The following CADPS2 variants were observed in gnomAD, a reference collection of about 807,000 sequenced individuals.
The protein encoded by CADPS2 is calcium dependent secretion activator 2.
In CADPS2, 93 loss-of-function variants were observed where a neutral mutation model predicts 172.5. The ratio of observed to expected loss-of-function variants is 0.54; its 90% CI spans 0.46 to 0.64. The LOEUF is 0.64. CADPS2 is among the 30% of genes least tolerant of loss of function. CADPS2 has a pLI of 0.00. For synonymous variants in CADPS2, 546 were observed against 555.2 expected, an observed-to-expected ratio of 0.98 and a Z score of 0.23; for missense variants, 1,420 against 1,565.9, an observed-to-expected ratio of 0.91 and a Z score of 1.57.
At chr7:122,477,053 AGAG>A (rs1481015037) in intron 12 of CADPS2, among the ~76,000 whole-genome samples, 1,785 of 24,238 alleles carry the variant, frequency 0.074, 47 homozygotes, top group Non-Finnish European at 0.093. Context: ...GAGAGAGAGA[AGAG>A]AGAGAGAGAG....
intron 1 of CADPS2, among the ~76,000 whole-genome samples, chr7:122,743,279 C>T (rs1198365118): frequency 6.6e-5 from 10 of 152,208 alleles, no homozygotes; most frequent in African/African-American, 2.4e-4. Flanking sequence ...AGAAAAAACA[C>T]TTAGATTCTA....
At chr7:122,472,878 C>G (rs540426321) in intron 13 of CADPS2, among the ~76,000 whole-genome samples, 1 of 152,202 alleles carries the variant, frequency 6.6e-6, no homozygotes, top group Non-Finnish European at 1.5e-5. Context: ...TTCTTCCTCT[C>G]TGAAGTATCC....
chr7:122,619,466 A>G (rs950403714), intron 5 of CADPS2, among the ~76,000 whole-genome samples: 1 of 151,818 alleles, frequency 6.6e-6, no homozygotes, highest in Non-Finnish European at 1.5e-5. Context: ...ATACAAAAAA[A>G]AAAAAAAAAA....
At chr7:122,583,339 G>A (rs1209416117) in intron 6 of CADPS2, among the ~76,000 whole-genome samples, 1 of 151,886 alleles carries the variant, frequency 6.6e-6, no homozygotes, top group African/African-American at 2.4e-5. Flanking sequence ...GAATGTACTA[G>A]AACATTAGGA....
chr7:122,319,472 C>T lies in CADPS2; in HGVS notation c.*693G>A, dbSNP rs890945575. ...AGAATATGGTATCTTGACGGAAGCACACTTGCTACCCCACACCTGGGGATT... is the reference window on the plus strand; with the variant it reads ...AGAATATGGTATCTTGACGGAAGCATACTTGCTACCCCACACCTGGGGATT... On this transcript the variant is annotated 3_prime_UTR_variant, in exon 30 of 30. Coordinates refer to ENST00000449022, the MANE Select transcript of CADPS2 (RefSeq NM_017954.11). 2 of 152,142 alleles carry T rather than the reference C, an allele frequency of 1.3e-5. No individual in the cohort carries two copies. Among genetic ancestry groups the T allele is most frequent in the Non-Finnish European group, 2.9e-5 (2 of 68,034 alleles). 9.4% of individuals were successfully genotyped at this position (152,142 alleles called of 1,614,324 possible).
At chr7:122,528,927 T>C (rs1200528178) in intron 8 of CADPS2, among the ~76,000 whole-genome samples, 2 of 152,114 alleles carry the variant, frequency 1.3e-5, no homozygotes, top group Non-Finnish European at 2.9e-5. Flanking sequence ...TTTAACCTTT[T>C]CTTTTTACAT....
intron 25 of CADPS2, among the ~76,000 whole-genome samples, chr7:122,373,429 A>G (rs2041999565): frequency 6.6e-6 from 1 of 152,206 alleles, no homozygotes; most frequent in South Asian, 2.1e-4. Context: ...AACATTTAAG[A>G]ATCATTGCCT....
chr7:122,657,241 G>A (rs1437294942), intron 3 of CADPS2, among the ~76,000 whole-genome samples: 4 of 152,146 alleles, frequency 2.6e-5, no homozygotes, highest in African/African-American at 9.7e-5. Flanking sequence ...ATCAGGTAGC[G>A]TGATGCCTCC....
intron 7 of CADPS2, among the ~76,000 whole-genome samples, chr7:122,579,661 A>G (rs1289982662): frequency 1.3e-5 from 2 of 151,750 alleles, no homozygotes; most frequent in Non-Finnish European, 2.9e-5. Context: ...TAATATAATA[A>G]TAGTTTAAAT....
chr7:122,586,060 T>C (rs2069634857), intron 6 of CADPS2, among the ~76,000 whole-genome samples: 1 of 151,986 alleles, frequency 6.6e-6, no homozygotes, highest in Admixed American at 6.6e-5. Flanking sequence ...TTATGTAAAT[T>C]ATGGGGCATG....
intron 8 of CADPS2, among the ~76,000 whole-genome samples, chr7:122,522,388 T>TACAG (rs2060876013): frequency 6.6e-6 from 1 of 152,092 alleles, no homozygotes; most frequent in Non-Finnish European, 1.5e-5. Flanking sequence ...GTGCTGGGAT[T>TACAG]ACAGGTGTGA....
intron 8 of CADPS2, among the ~76,000 whole-genome samples, chr7:122,531,008 A>C (rs1028195976): frequency 6.6e-6 from 1 of 152,166 alleles, no homozygotes; most frequent in African/African-American, 2.4e-5. Flanking sequence ...GAAAAAACCA[A>C]CAACAACTAA....
intron 2 of CADPS2, among the ~76,000 whole-genome samples, chr7:122,720,571 TAC>T (rs2090257866): frequency 6.6e-6 from 1 of 150,532 alleles, no homozygotes; most frequent in Non-Finnish European, 1.5e-5. Context: ...TGTCTGTATA[TAC>T]ATACACATGT....
chr7:122,552,404 T>C (rs1263792816), intron 8 of CADPS2, among the ~76,000 whole-genome samples: 18 of 152,140 alleles, frequency 1.2e-4, no homozygotes, highest in Non-Finnish European at 1.5e-5. Flanking sequence ...CTGAGCTTTA[T>C]GGATTAAATT....
intron 28 of CADPS2, among the ~76,000 whole-genome samples, chr7:122,332,767 C>A (rs180787027): frequency 1.3e-5 from 2 of 152,158 alleles, no homozygotes; most frequent in Admixed American, 1.3e-4. Flanking sequence ...GGGAGCTGCA[C>A]AAGCTCTTTC....
At chr7:122,742,676 A>G (rs2092548035) in intron 1 of CADPS2, among the ~76,000 whole-genome samples, 1 of 152,206 alleles carries the variant, frequency 6.6e-6, no homozygotes, top group South Asian at 2.1e-4. Context: ...CATTGTGCTT[A>G]TAATCAACAA....
At chr7:122,720,504 G>A (rs116979086) in intron 2 of CADPS2, among the ~76,000 whole-genome samples, 5,128 of 150,216 alleles carry the variant, frequency 0.034, 129 homozygotes, top group Middle Eastern at 0.05. Flanking sequence ...ATGTATATAC[G>A]TATAAGTATA....
At chr7:122,403,942 T>G (rs1475025629) in intron 20 of CADPS2, among the ~76,000 whole-genome samples, 2 of 152,180 alleles carry the variant, frequency 1.3e-5, no homozygotes, top group African/African-American at 4.8e-5. Flanking sequence ...TTGAATAAGT[T>G]AAAATATTCA....
chr7:122,490,320 G>T, intron 10 of CADPS2, 39 bp from the exon 11 acceptor site: 1 of 1,583,570 alleles, frequency 6.3e-7, no homozygotes. Context: ...AAAATTTATA[G>T]GATTGGCAGA....
Sources: allele counts gnomAD v4.1 joint callset (sites outside exome capture counted in the v4.1 genomes callset), GRCh38; gene constraint gnomAD v4.1.1; transcripts MANE v1.5; gene names NCBI Gene and HGNC (gene_info 2026-07-23, HGNC 2026-07-21).